The following IRAG2 variants were observed in gnomAD, a reference collection of about 807,000 sequenced individuals.
The protein encoded by IRAG2 is lymphoid restricted membrane protein.
IRAG2 carries 45 observed loss-of-function variants against 69.9 expected under a neutral mutation model. That is an observed-to-expected ratio of 0.64 (90% CI 0.51 to 0.83). IRAG2 has a LOEUF of 0.83. Among genes scored for constraint, IRAG2 ranks in the 40% least tolerant of loss-of-function variants. IRAG2 has a pLI of 0.00. For synonymous variants in IRAG2, 193 were observed against 202.4 expected, an observed-to-expected ratio of 0.95 and a Z score of 0.40; for missense variants, 520 against 587.0, an observed-to-expected ratio of 0.89 and a Z score of 1.18.
chr12:25,023,964 A>G (rs1203941292), intron 8 of IRAG2: 5 of 1,066,022 alleles, frequency 4.7e-6, no homozygotes, highest in Non-Finnish European at 6.0e-6. Flanking sequence ...AAACATGCAA[A>G]TCATATCATC....
At chr12:25,028,714 T>C (rs1003977267) in intron 9 of IRAG2, among the ~76,000 whole-genome samples, 1 of 152,200 alleles carries the variant, frequency 6.6e-6, no homozygotes, top group Admixed American at 6.5e-5. Flanking sequence ...TAATGGCTTA[T>C]TTGAGAAATA....
In IRAG2 at chr12:25,080,553, C is replaced by T. The variant is rs1230064823; in HGVS notation, c.244+790C>T. On this transcript the variant is annotated intron_variant, in intron 9 of 21. Transcript: ENST00000556887. ...ATTTTTAGTAGAGACGGAGTTTCAC[C>T]GTGTTAGCCAGGATGGTCTCGATCT... Among the ~76,000 whole-genome samples the T allele has an allele frequency of 3.3e-5, 5 of 151,974 alleles. No homozygotes were observed. The South Asian group carries it at 6.2e-4, about 19-fold the overall frequency.
In IRAG2 at chr12:25,083,428, A is replaced by C. The variant is rs1363088429; in HGVS notation, c.250A>C (p.Ser84Arg). Reference protein sequence around the residue: ...ASPTIEAQGTSPAHDNIAFQD... With the variant: ...ASPTIEAQGTRPAHDNIAFQD... ...GTGTTTCCTGTTTCTCACAGGCACAAGTCCAGCTCATGATAATATTGCATT... is the reference window on the plus strand; with the variant it reads ...GTGTTTCCTGTTTCTCACAGGCACACGTCCAGCTCATGATAATATTGCATT... Residue 84 changes from serine to arginine, a missense_variant, in exon 10 of 22, where the codon AGT becomes CGT. Ser to Arg is a moderately radical substitution (Grantham distance 110). Transcript: ENST00000556887. The C allele has an allele frequency of 6.2e-7, 1 of 1,610,196 alleles. No homozygotes were observed.
At chr12:25,012,733 C>T (rs554988294) in intron 3 of IRAG2, among the ~76,000 whole-genome samples, 3 of 151,954 alleles carry the variant, frequency 2.0e-5, no homozygotes, top group Non-Finnish European at 2.9e-5. Context: ...GAAGCTGAGG[C>T]GGGAGAATTG....
At chr12:25,057,845 G>C (rs556281491) in intron 1 of IRAG2, among the ~76,000 whole-genome samples, 132 of 152,218 alleles carry the variant, frequency 8.7e-4, no homozygotes, top group African/African-American at 3.1e-3. Flanking sequence ...GCCTGTTCTA[G>C]AACTCAGTTA....
At chr12:25,076,000 T>A (rs1162285676) in intron 6 of IRAG2, among the ~76,000 whole-genome samples, 4 of 152,134 alleles carry the variant, frequency 2.6e-5, no homozygotes, top group African/African-American at 4.8e-5. Context: ...AGCCCAAATG[T>A]GGAAAGTTTT....
intron 15 of IRAG2, among the ~76,000 whole-genome samples, chr12:25,037,061 C>T (rs138361032): frequency 6.0e-4 from 92 of 152,254 alleles, no homozygotes; most frequent in African/African-American, 1.6e-3. Context: ...GAGACTTTGA[C>T]GGTTTTACTA....
chr12:25,069,416 T>C lies in IRAG2; in HGVS notation c.9T>C (p.Asp3=). The stretch of plus-strand genomic sequence containing the variant: ...TCTCAGGCTGCATCAGGATGAATGA[T>C]GACCCAAGTATGGAAGTGAGTGTTG... MN[D]DPSMEENGVE... Residue 3 remains aspartate (D), a synonymous_variant, in exon 6 of 22, where the codon GAT becomes GAC. Coordinates refer to ENST00000556887, the MANE Select transcript of IRAG2 (RefSeq NM_001366544.2). 1.9e-6 allele frequency: 3 copies of C among 1,614,122 alleles called. No individual in the cohort carries two copies. The highest frequency in any genetic ancestry group is 2.5e-6 in the Non-Finnish European group (3 of 1,179,958).
chr12:25,075,286 C>T (rs1039897950), intron 6 of IRAG2, among the ~76,000 whole-genome samples: 13 of 151,900 alleles, frequency 8.6e-5, no homozygotes, highest in Admixed American at 6.6e-4. Flanking sequence ...CAGAAAATCA[C>T]GTTTATTTAA....
chr12:25,030,475 C>A, intron 10 of IRAG2: 2 of 472,596 alleles, frequency 4.2e-6, no homozygotes, highest in Non-Finnish European at 6.6e-6. Flanking sequence ...CAACCTCCAC[C>A]TCCCAGATTC....
chr12:25,038,495 T>G (rs910684863), intron 16 of IRAG2, among the ~76,000 whole-genome samples: 1 of 152,038 alleles, frequency 6.6e-6, no homozygotes, highest in Non-Finnish European at 1.5e-5. Context: ...ATACAAAAAT[T>G]AGCTGGGTGT....
chr12:25,074,653 C>T (rs1481934559), intron 6 of IRAG2, among the ~76,000 whole-genome samples: 1 of 152,058 alleles, frequency 6.6e-6, no homozygotes, highest in Non-Finnish European at 1.5e-5. Flanking sequence ...ATTAGCTGGT[C>T]ATATTTCCCA....
chr12:25,070,914 C>A (rs988020041), intron 6 of IRAG2, among the ~76,000 whole-genome samples: 1 of 152,030 alleles, frequency 6.6e-6, no homozygotes, highest in Non-Finnish European at 1.5e-5. Flanking sequence ...TGTTTGTTGG[C>A]CATTTGTATA....
intron 9 of IRAG2, among the ~76,000 whole-genome samples, chr12:25,027,564 T>C (rs1158804336): frequency 6.6e-6 from 1 of 151,822 alleles, no homozygotes; most frequent in East Asian, 1.9e-4. Flanking sequence ...CCAGCTAATT[T>C]TTTGTATTTT....
At chr12:25,013,016 C>T (rs1944489502) in intron 3 of IRAG2, among the ~76,000 whole-genome samples, 1 of 152,152 alleles carries the variant, frequency 6.6e-6, no homozygotes, top group Non-Finnish European at 1.5e-5. Flanking sequence ...ACAGATATAA[C>T]ATTTCTACCC....
chr12:25,071,929 C>T (rs12579848), intron 6 of IRAG2, among the ~76,000 whole-genome samples: 38,046 of 151,892 alleles, frequency 0.25, 5,177 homozygotes, highest in Admixed American at 0.3. Flanking sequence ...CTGGGCTGGG[C>T]GCAGTGGCAC....
At chr12:25,100,000 G>A (rs1306731455) in intron 15 of IRAG2, among the ~76,000 whole-genome samples, 8 of 25,674 alleles carry the variant, frequency 3.1e-4, no homozygotes, top group African/African-American at 8.6e-4. Context: ...GACTCCATCT[G>A]AAAAAAAAAA....
chr12:25,005,816 T>G (rs1369596894), intron 2 of IRAG2, among the ~76,000 whole-genome samples: 1 of 152,212 alleles, frequency 6.6e-6, no homozygotes, highest in East Asian at 1.9e-4. Flanking sequence ...AATACCATTC[T>G]GGACATTGGC....
chr12:25,093,889 T>G lies in IRAG2; in HGVS notation c.607-3021T>G, dbSNP rs1035712733. The G allele has an allele frequency of 2.0e-5, 3 of 152,622 alleles. No individual in the cohort carries two copies. The Admixed American group carries it at 2.0e-4, about 10-fold the overall frequency. The allele number at this position is 152,622 out of a possible 1,614,324, so 9.5% of individuals were successfully genotyped here. ...CATGCCCGGGAGGCTGCACTCAATGTGGCAGGGCCATCAGGCCACTCTCTT... is the reference window on the plus strand; with the variant it reads ...CATGCCCGGGAGGCTGCACTCAATGGGGCAGGGCCATCAGGCCACTCTCTT... On this transcript the variant is annotated intron_variant, in intron 14 of 21. Transcript: ENST00000556887.
Sources: allele counts gnomAD v4.1 joint callset (sites outside exome capture counted in the v4.1 genomes callset), GRCh38; gene constraint gnomAD v4.1.1; transcripts MANE v1.5; gene names NCBI Gene and HGNC (gene_info 2026-07-23, HGNC 2026-07-21).